Variants in PLCB1 observed in about 807,000 individuals in gnomAD.
PLCB1 encodes 1-phosphatidylinositol 4,5-bisphosphate phosphodiesterase beta-1.
A neutral mutation model predicts 161.8 loss-of-function variants in PLCB1; 46 were observed. The ratio of observed to expected loss-of-function variants is 0.28; its 90% CI spans 0.22 to 0.36. The LOEUF (loss-of-function observed/expected upper bound fraction) is 0.36. Ranked by LOEUF, PLCB1 falls within the 10% of genes least tolerant of loss-of-function variation. The pLI is 1.00. For synonymous variants in PLCB1, 517 were observed against 503.7 expected, an observed-to-expected ratio of 1.03 and a Z score of -0.35; for missense variants, 1,016 against 1,472.5, an observed-to-expected ratio of 0.69 and a Z score of 5.07.
intron 2 of PLCB1, among the ~76,000 whole-genome samples, chr20:8,218,344 G>A (rs1340909067): frequency 6.6e-6 from 1 of 152,124 alleles, no homozygotes; most frequent in Non-Finnish European, 1.5e-5. Flanking sequence ...CATAGAGTGA[G>A]GCAGTGGTAG....
intron 2 of PLCB1, among the ~76,000 whole-genome samples, chr20:8,332,085 C>T (rs1386520808): frequency 2.6e-5 from 4 of 152,148 alleles, no homozygotes; most frequent in Admixed American, 1.3e-4. Flanking sequence ...AATTTCTGGT[C>T]GCTGAACTGG....
chr20:8,844,106 C>T (rs1352108074), intron 31 of PLCB1, among the ~76,000 whole-genome samples: 1 of 152,228 alleles, frequency 6.6e-6, no homozygotes, highest in Non-Finnish European at 1.5e-5. Flanking sequence ...ATACATATTT[C>T]AAACAGTCTT....
chr20:8,490,904 A>C (rs912074287), intron 3 of PLCB1, among the ~76,000 whole-genome samples: 2 of 150,852 alleles, frequency 1.3e-5, no homozygotes, highest in Non-Finnish European at 3.0e-5. Context: ...GTACACATAT[A>C]TATGTGTACA....
intron 11 of PLCB1, among the ~76,000 whole-genome samples, chr20:8,702,113 A>G (rs530899959): frequency 1.3e-5 from 2 of 152,286 alleles, no homozygotes; most frequent in Admixed American, 1.3e-4. Context: ...CTCCCTGTTT[A>G]CTGTATGGGT....
intron 3 of PLCB1, among the ~76,000 whole-genome samples, chr20:8,533,980 G>A (rs1044066336): frequency 2.0e-5 from 3 of 152,022 alleles, no homozygotes; most frequent in Non-Finnish European, 4.4e-5. Flanking sequence ...TTTTCTTCTC[G>A]GGTTTTTATG....
chr20:8,391,198 A>G (rs555555845), intron 3 of PLCB1, among the ~76,000 whole-genome samples: 2 of 151,246 alleles, frequency 1.3e-5, no homozygotes, highest in Admixed American at 1.3e-4. Flanking sequence ...AGAGATTTAT[A>G]CTTTTGTAGC....
At chr20:8,560,804 T>C (rs1986117581) in intron 3 of PLCB1, among the ~76,000 whole-genome samples, 1 of 152,050 alleles carries the variant, frequency 6.6e-6, no homozygotes, top group Admixed American at 6.6e-5. Flanking sequence ...TATTTTTATA[T>C]GGATCATATA....
chr20:8,831,912 CTCTT>C (rs1188505689), intron 31 of PLCB1, among the ~76,000 whole-genome samples: 3,254 of 58,272 alleles, frequency 0.056, 184 homozygotes, highest in African/African-American at 0.091. Flanking sequence ...CTCTTTCTTT[CTCTT>C]TCTTTCTTTC....
rs1981667676 is a variant in PLCB1 at position 8,463,210 on chromosome 20, C to T, written c.246+91760C>T. Among the ~76,000 whole-genome samples, 4 of 149,536 alleles carry T rather than the reference C, an allele frequency of 2.7e-5. No homozygotes were observed. In the South Asian group the frequency reaches 8.5e-4, roughly 32 times the overall value. ...GTGTATGTGTGTGTGCTCCTGCATG[C>T]TTTTAATTATATATTGAAGATATGC... On this transcript the variant is annotated intron_variant, in intron 3 of 31. Coordinates refer to ENST00000338037, the MANE Select transcript of PLCB1 (RefSeq NM_015192.4).
chr20:8,186,567 C>T (rs1423695997), intron 2 of PLCB1, among the ~76,000 whole-genome samples: 1 of 152,062 alleles, frequency 6.6e-6, no homozygotes, highest in Non-Finnish European at 1.5e-5. Flanking sequence ...TGTGAGTTTG[C>T]CCCCGTGATG....
intron 31 of PLCB1, among the ~76,000 whole-genome samples, chr20:8,859,543 T>C (rs1987185025): frequency 6.6e-6 from 1 of 152,198 alleles, no homozygotes; most frequent in Admixed American, 6.5e-5. Context: ...CTTCTAGAGA[T>C]GGCATCATGG....
intron 3 of PLCB1, among the ~76,000 whole-genome samples, chr20:8,555,257 G>T (rs1279704075): frequency 6.6e-6 from 1 of 152,016 alleles, no homozygotes; most frequent in South Asian, 2.1e-4. Context: ...ATCCTTAATA[G>T]GGTTGAATGG....
chr20:8,572,028 TA>T (rs898507872), intron 3 of PLCB1, among the ~76,000 whole-genome samples: 9 of 151,816 alleles, frequency 5.9e-5, no homozygotes, highest in African/African-American at 7.2e-5. Context: ...TCATTCTAAG[TA>T]AAAAAAAATT....
chr20:8,743,160 T>C (rs1158680424), intron 23 of PLCB1, among the ~76,000 whole-genome samples: 1 of 152,252 alleles, frequency 6.6e-6, no homozygotes, highest in Non-Finnish European at 1.5e-5. Flanking sequence ...TTTTTCTTCA[T>C]TCAGTTTGAT....
At chr20:8,391,852 A>G (rs1447642410) in intron 3 of PLCB1, among the ~76,000 whole-genome samples, 1 of 143,002 alleles carries the variant, frequency 7.0e-6, no homozygotes, top group Non-Finnish European at 1.5e-5. Flanking sequence ...TATTACTTGA[A>G]CTTCCTCAAT....
At chr20:8,822,935 G>A (rs1985505098) in intron 31 of PLCB1, among the ~76,000 whole-genome samples, 2 of 152,028 alleles carry the variant, frequency 1.3e-5, no homozygotes, top group Admixed American at 6.5e-5. Flanking sequence ...GAAATATTTG[G>A]GGGAAAAAAC....
At chr20:8,557,211 A>T (rs1985994594) in intron 3 of PLCB1, among the ~76,000 whole-genome samples, 1 of 151,846 alleles carries the variant, frequency 6.6e-6, no homozygotes, top group Non-Finnish European at 1.5e-5. Context: ...ATCTCAGACA[A>T]TTAAAATCAG....
chr20:8,540,218 G>C (rs1985253977), intron 3 of PLCB1, among the ~76,000 whole-genome samples: 1 of 152,040 alleles, frequency 6.6e-6, no homozygotes, highest in Non-Finnish European at 1.5e-5. Context: ...TTCTCATTTA[G>C]TTTTGGTGCC....
At chr20:8,571,942 A>G (rs1235767864) in intron 3 of PLCB1, among the ~76,000 whole-genome samples, 1 of 152,172 alleles carries the variant, frequency 6.6e-6, no homozygotes, top group Non-Finnish European at 1.5e-5. Context: ...AAGATACTAA[A>G]ATAGAACACT....
Sources: allele counts gnomAD v4.1 joint callset (sites outside exome capture counted in the v4.1 genomes callset), GRCh38; gene constraint gnomAD v4.1.1; transcripts MANE v1.5; gene names NCBI Gene and HGNC (gene_info 2026-07-23, HGNC 2026-07-21).